Variants in TRPC4 observed in about 807,000 individuals in gnomAD.
TRPC4 encodes transient receptor potential cation channel subfamily C member 4.
In TRPC4, 49 loss-of-function variants were observed where a neutral mutation model predicts 99.4. The ratio of observed to expected loss-of-function variants is 0.49; its 90% CI spans 0.39 to 0.63. The LOEUF is 0.63. Among genes scored for constraint, TRPC4 ranks in the 20% least tolerant of loss-of-function variants. The probability of loss-of-function intolerance (pLI) is 0.00; values close to 1 mark genes in which losing one functional copy is unlikely to be tolerated. For missense variants in TRPC4, 898 were observed against 1,152.9 expected, an observed-to-expected ratio of 0.78 and a Z score of 3.20; for synonymous variants, 454 against 425.9, an observed-to-expected ratio of 1.07 and a Z score of -0.81.
intron 3 of TRPC4, among the ~76,000 whole-genome samples, chr13:37,722,561 A>C (rs1371856344): frequency 1.3e-5 from 2 of 152,184 alleles, no homozygotes; most frequent in African/African-American, 2.4e-5. Context: ...ATTATTTTTA[A>C]GTTTTAACTC....
intron 3 of TRPC4, among the ~76,000 whole-genome samples, chr13:37,727,147 A>G (rs1021888700): frequency 1.3e-5 from 2 of 152,120 alleles, no homozygotes; most frequent in Non-Finnish European, 2.9e-5. Context: ...TCTCCAGTGA[A>G]CATGGGACAT....
At chr13:37,659,307 G>A (rs550249521) in intron 6 of TRPC4, among the ~76,000 whole-genome samples, 10 of 151,266 alleles carry the variant, frequency 6.6e-5, no homozygotes, top group Admixed American at 2.0e-4. Flanking sequence ...TCCCTCCCTC[G>A]CTTCCTTCCT....
At chr13:37,784,470 C>T (rs1054165123) in intron 1 of TRPC4, among the ~76,000 whole-genome samples, 5 of 152,014 alleles carry the variant, frequency 3.3e-5, no homozygotes, top group African/African-American at 1.2e-4. Context: ...AAAAGTATTA[C>T]ATCTTGAGTA....
At chr13:37,728,509 A>T (rs1955134683) in intron 3 of TRPC4, among the ~76,000 whole-genome samples, 1 of 152,068 alleles carries the variant, frequency 6.6e-6, no homozygotes, top group African/African-American at 2.4e-5. Flanking sequence ...AAAACTATGA[A>T]ACATTGGTGG....
At chr13:37,761,981 T>C (rs1317507670) in intron 2 of TRPC4, among the ~76,000 whole-genome samples, 1 of 151,876 alleles carries the variant, frequency 6.6e-6, no homozygotes, top group Non-Finnish European at 1.5e-5. Flanking sequence ...GGAATAACAA[T>C]TAAATATTAT....
intron 3 of TRPC4, among the ~76,000 whole-genome samples, chr13:37,731,012 A>G (rs926310853): frequency 5.9e-5 from 9 of 152,062 alleles, no homozygotes; most frequent in Admixed American, 5.9e-4. Context: ...ATGTCAAAGT[A>G]TAATAACTGG....
rs755080753 is a variant in TRPC4 at position 37,783,297 on chromosome 13, G to C, written c.37C>G (p.Pro13Ala). 2.5e-6 allele frequency: 4 copies of C among 1,593,334 alleles called. No homozygotes were observed. The South Asian group carries it at 4.6e-5, about 18-fold the overall frequency. Residue 13 changes from proline (P) to alanine (A), a missense_variant, in exon 2 of 11, where the codon CCC (proline) becomes GCC (alanine). Transcript: ENST00000379705. ...CTTAGAGGGATGCGGTCTCTATAGG[G>C]AGCATTAACATTTCTTTTGTAATAG... is the stretch of plus-strand genomic sequence containing the variant. ...QFYYKRNVNA[P>A]YRDRIPLRIV... is the part of the protein sequence containing the mutation.
At chr13:37,709,738 T>A (rs967780458) in intron 3 of TRPC4, among the ~76,000 whole-genome samples, 1 of 152,020 alleles carries the variant, frequency 6.6e-6, no homozygotes, top group African/African-American at 2.4e-5. Context: ...ATATAAAACA[T>A]TATAGCTATT....
intron 4 of TRPC4, among the ~76,000 whole-genome samples, chr13:37,688,203 A>C (rs1177801851): frequency 6.6e-6 from 1 of 152,236 alleles, no homozygotes; most frequent in Non-Finnish European, 1.5e-5. Flanking sequence ...TTGGGCGGTG[A>C]GTTCCAACTT....
chr13:37,728,490 T>C (rs1955134318), intron 3 of TRPC4, among the ~76,000 whole-genome samples: 1 of 151,998 alleles, frequency 6.6e-6, no homozygotes, highest in Non-Finnish European at 1.5e-5. Flanking sequence ...TGTAAAAACC[T>C]ATACAATGAA....
intron 3 of TRPC4, among the ~76,000 whole-genome samples, chr13:37,745,082 ATAAG>A (rs1165448540): frequency 6.6e-6 from 1 of 152,096 alleles, no homozygotes; most frequent in Non-Finnish European, 1.5e-5. Flanking sequence ...ACACTTTATA[ATAAG>A]TATTTACTGA....
At chr13:37,732,383 C>T (rs1463574933) in intron 3 of TRPC4, among the ~76,000 whole-genome samples, 1 of 152,046 alleles carries the variant, frequency 6.6e-6, no homozygotes, top group African/African-American at 2.4e-5. Context: ...GAAAAGTTGA[C>T]AGCATTCCTG....
chr13:37,783,374 C>G lies in TRPC4; in HGVS notation c.-27-14G>C, dbSNP rs751200162. On this transcript the variant is annotated splice_polypyrimidine_tract_variant and intron_variant, in intron 1 of 10. Transcript: ENST00000379705. The stretch of plus-strand genomic sequence containing the variant: ...ATTTCTTCGTCTCTGAAAGTAGAAA[C>G]AAAAAACACAAAGATTAGTGTTAAT... 4.8e-5 allele frequency: 72 copies of G among 1,495,438 alleles called. No individual in the cohort carries two copies. The highest frequency in any genetic ancestry group is 7.0e-5 in the African/African-American group (5 of 71,272). The allele number at this position is 1,495,438 out of a possible 1,614,324, so 92.6% of individuals were successfully genotyped here. A position where few individuals can be genotyped will look rare whatever the true frequency, so the allele number is the denominator to read the frequency against.
chr13:37,723,289 A>G (rs772483368), intron 3 of TRPC4, among the ~76,000 whole-genome samples: 14 of 152,210 alleles, frequency 9.2e-5, no homozygotes, highest in Admixed American at 4.6e-4. Context: ...TAAACAAAGC[A>G]TTGATATTCA....
intron 1 of TRPC4, among the ~76,000 whole-genome samples, chr13:37,845,667 A>T (rs1958872419): frequency 6.6e-6 from 1 of 152,078 alleles, no homozygotes; most frequent in Non-Finnish European, 1.5e-5. Flanking sequence ...TATAGGAATT[A>T]TGGAACACCA....
intron 3 of TRPC4, among the ~76,000 whole-genome samples, chr13:37,725,155 T>C (rs1460842006): frequency 6.6e-6 from 1 of 151,926 alleles, no homozygotes; most frequent in Non-Finnish European, 1.5e-5. Context: ...AAAAAATTAG[T>C]GAACTTGAAG....
At chr13:37,858,922 T>G (rs1413911239) in intron 1 of TRPC4, among the ~76,000 whole-genome samples, 1 of 151,354 alleles carries the variant, frequency 6.6e-6, no homozygotes, top group Non-Finnish European at 1.5e-5. Context: ...TAAAAATAAC[T>G]AAAAGGGCAT....
At chr13:37,833,244 T>G (rs1392735536) in intron 1 of TRPC4, among the ~76,000 whole-genome samples, 1 of 152,154 alleles carries the variant, frequency 6.6e-6, no homozygotes, top group East Asian at 1.9e-4. Flanking sequence ...TTTTCCTGCA[T>G]TATATTTCTA....
intron 2 of TRPC4, among the ~76,000 whole-genome samples, chr13:37,761,858 G>GT (rs1217247397): frequency 6.6e-6 from 1 of 151,720 alleles, no homozygotes; most frequent in Non-Finnish European, 1.5e-5. Context: ...GGCCGATTTT[G>GT]TAAGTGTAGA....
Sources: allele counts gnomAD v4.1 joint callset (sites outside exome capture counted in the v4.1 genomes callset), GRCh38; gene constraint gnomAD v4.1.1; transcripts MANE v1.5; gene names NCBI Gene and HGNC (gene_info 2026-07-23, HGNC 2026-07-21).